REV1: variants seen among roughly 807,000 people sequenced by gnomAD.
REV1 encodes translesion synthesis protein REV1.
A neutral mutation model predicts 137.4 loss-of-function variants in REV1; 42 were observed. The observed-to-expected ratio is 0.31, with a 90% confidence interval of 0.24 to 0.40. The LOEUF (loss-of-function observed/expected upper bound fraction) is 0.40. REV1 is among the 10% of genes least tolerant of loss of function. The pLI is 1.00. For missense variants in REV1, 1,282 were observed against 1,490.1 expected, an observed-to-expected ratio of 0.86 and a Z score of 2.30; for synonymous variants, 524 against 519.2, an observed-to-expected ratio of 1.01 and a Z score of -0.12.
chr2:99,459,354 A>G (rs1022485731), intron 3 of REV1, among the ~76,000 whole-genome samples: 6 of 152,180 alleles, frequency 3.9e-5, no homozygotes, highest in African/African-American at 1.4e-4. Context: ...CAGTATCACT[A>G]TGTGCTATGT....
intron 1 of REV1, among the ~76,000 whole-genome samples, chr2:99,466,098 C>A (rs557645450): frequency 1.3e-4 from 20 of 151,456 alleles, no homozygotes; most frequent in African/African-American, 4.4e-4. Context: ...CCCGCCACCA[C>A]GCCCGATTAT....
intron 9 of REV1, among the ~76,000 whole-genome samples, chr2:99,426,615 A>T (rs1309711714): frequency 1.3e-5 from 2 of 152,192 alleles, no homozygotes; most frequent in African/African-American, 4.8e-5. Context: ...AGGGAAGCCA[A>T]ATACCTTGAG....
intron 1 of REV1, among the ~76,000 whole-genome samples, chr2:99,473,365 CA>C (rs10645145): frequency 1.0e-3 from 115 of 112,050 alleles, no homozygotes; most frequent in Non-Finnish European, 1.1e-3. Context: ...GAGACTGTCT[CA>C]AAAAAAAAAA....
At chr2:99,464,723 C>A (rs975842920) in intron 2 of REV1, among the ~76,000 whole-genome samples, 199 bp downstream of exon 2, 1 of 152,136 alleles carries the variant, frequency 6.6e-6, no homozygotes, top group Admixed American at 6.6e-5. Context: ...TTTATTTCCT[C>A]AGGGTAAAAT....
chr2:99,419,092 G>T, intron 11 of REV1, 145 bp from the exon 12 acceptor site: 1 of 723,230 alleles, frequency 1.4e-6, no homozygotes. Context: ...GTAGAATTTT[G>T]CTAAGTATTT....
chr2:99,486,202 G>A (rs760457600), intron 1 of REV1, among the ~76,000 whole-genome samples: 38 of 152,320 alleles, frequency 2.5e-4, no homozygotes, highest in Non-Finnish European at 5.1e-4. Flanking sequence ...AAGTGAACAA[G>A]CTAATTTCAA....
At chr2:99,426,779 AG>A (rs1679434043) in intron 9 of REV1, among the ~76,000 whole-genome samples, 1 of 152,246 alleles carries the variant, frequency 6.6e-6, no homozygotes, top group Admixed American at 6.5e-5. Flanking sequence ...AACTTCGTTA[AG>A]TGTATGCTGC....
At chr2:99,459,887 A>C (rs573797815) in intron 3 of REV1, among the ~76,000 whole-genome samples, 1 of 152,280 alleles carries the variant, frequency 6.6e-6, no homozygotes, top group East Asian at 1.9e-4. Context: ...AGGGACTACG[A>C]AATCATGAGA....
At chr2:99,407,909 G>A in intron 15 of REV1, 120 bp downstream of exon 15, 1 of 476,790 alleles carries the variant, frequency 2.1e-6, no homozygotes, top group Non-Finnish European at 3.7e-6. Context: ...GTATTACAAA[G>A]CAGCTAAAGA....
intron 1 of REV1, among the ~76,000 whole-genome samples, chr2:99,466,654 A>G (rs1428166064): frequency 5.3e-5 from 8 of 152,252 alleles, no homozygotes; most frequent in Non-Finnish European, 5.9e-5. Flanking sequence ...AAAGATGCCT[A>G]AAAGACATGC....
intron 1 of REV1, among the ~76,000 whole-genome samples, chr2:99,471,889 TAAAAAAAAA>T (rs947603744): frequency 1.1e-5 from 1 of 93,428 alleles, no homozygotes; most frequent in Non-Finnish European, 2.2e-5. Context: ...TAGCTACTAT[TAAAAAAAAA>T]AAAAAAAAAA....
Position 99,410,070 on chromosome 2 carries a change from G to T in REV1, c.2345+625C>A, listed in dbSNP as rs181459500. On this transcript the variant is annotated intron_variant, in intron 14 of 22. Transcript: ENST00000258428. ...CTGTTGCCCAGGCAGGAGTGCACTG[G>T]CGCGATCTCAGCTCACTGCAACCTC... 2.0e-5 allele frequency among the ~76,000 whole-genome samples: 3 copies of T among 151,912 alleles called. No individual in the cohort carries two copies. The East Asian group carries it at 5.9e-4, about 30-fold the overall frequency.
intron 6 of REV1, chr2:99,436,635 G>A (rs1478904092): frequency 6.6e-6 from 1 of 152,220 alleles, no homozygotes; most frequent in Non-Finnish European, 1.5e-5. Context: ...AGATAAAGGT[G>A]AGTGTCCTCA....
chr2:99,446,608 C>A (rs1483588174), intron 4 of REV1, among the ~76,000 whole-genome samples: 2 of 152,038 alleles, frequency 1.3e-5, no homozygotes, highest in African/African-American at 4.8e-5. Context: ...AATTCTCCTG[C>A]CTCAGCCTCC....
intron 12 of REV1, among the ~76,000 whole-genome samples, chr2:99,416,912 C>CAAAAAAAAAAAAAAAAAAAAA (rs755184253): frequency 2.6e-5 from 2 of 77,854 alleles, no homozygotes; most frequent in African/African-American, 6.0e-5. Context: ...GACTCCATCT[C>CAAAAAAAAAAAAAAAAAAAAA]AAAAAAAAAA....
At chr2:99,450,591 A>G (rs1239783524) in intron 3 of REV1, among the ~76,000 whole-genome samples, 1 of 152,232 alleles carries the variant, frequency 6.6e-6, no homozygotes, top group Non-Finnish European at 1.5e-5. Context: ...TAAATTTTAC[A>G]GCACAAAATT....
At chr2:99,451,514 C>G in intron 3 of REV1, 1 of 1,299,624 alleles carries the variant, frequency 7.7e-7, no homozygotes, top group Middle Eastern at 2.1e-4. Context: ...AGTTAAAAGG[C>G]AAGATCACAT....
chr2:99,449,239 TG>T, intron 4 of REV1, 96 bp downstream of exon 4: 1 of 675,836 alleles, frequency 1.5e-6, no homozygotes, highest in Non-Finnish European at 2.1e-6. Flanking sequence ...CACTCTAGCC[TG>T]GGCGACAAAG....
intron 1 of REV1, among the ~76,000 whole-genome samples, chr2:99,468,181 A>G (rs1575204343): frequency 8.5e-5 from 2 of 23,534 alleles, no homozygotes; most frequent in South Asian, 1.8e-3. Flanking sequence ...ACTCCATCTC[A>G]AAAAAAAAAA....
Sources: gnomAD v4.1 joint callset for allele counts (sites outside exome capture counted in the v4.1 genomes callset) on GRCh38, gnomAD v4.1.1 for gene constraint, MANE v1.5 for transcripts, NCBI Gene and HGNC (gene_info 2026-07-23, HGNC 2026-07-21) for gene names.